The following GPR158 variants were observed in gnomAD, a reference collection of about 807,000 sequenced individuals.
The protein encoded by GPR158 is G protein-coupled receptor 158, also known as metabotropic glycine receptor.
GPR158 carries 30 observed loss-of-function variants against 78.2 expected under a neutral mutation model. The observed-to-expected ratio is 0.38, with a 90% confidence interval of 0.29 to 0.52. The LOEUF is 0.52. Ranked by LOEUF, GPR158 falls within the 20% of genes least tolerant of loss-of-function variation. The pLI, the probability that GPR158 is intolerant of heterozygous loss-of-function variation, is 0.83. For synonymous variants in GPR158, 581 were observed against 591.1 expected (o/e 0.98, Z 0.25); for missense variants, 1,463 against 1,523.5 (o/e 0.96, Z 0.66).
chr10:25,278,960 T>C (rs937365705), intron 2 of GPR158, among the ~76,000 whole-genome samples: 1 of 151,914 alleles, frequency 6.6e-6, no homozygotes, highest in African/African-American at 2.4e-5. Flanking sequence ...TCAAAAGATG[T>C]GCAAAGAAAA....
intron 2 of GPR158, among the ~76,000 whole-genome samples, chr10:25,342,588 A>G (rs1855316687): frequency 6.6e-6 from 1 of 152,076 alleles, no homozygotes; most frequent in East Asian, 1.9e-4. Flanking sequence ...CCCTGAGAGA[A>G]TCACTTAAAA....
intron 5 of GPR158, among the ~76,000 whole-genome samples, chr10:25,533,315 G>A (rs565151598): frequency 1.3e-5 from 2 of 152,218 alleles, no homozygotes; most frequent in South Asian, 4.1e-4. Flanking sequence ...AAAACCACCT[G>A]TTAACCTTAA....
chr10:25,315,106 C>T (rs1199662337), intron 2 of GPR158, among the ~76,000 whole-genome samples: 3 of 151,662 alleles, frequency 2.0e-5, no homozygotes, highest in Non-Finnish European at 4.4e-5. Context: ...AGTTATATAG[C>T]TCATGAGGAT....
intron 2 of GPR158, among the ~76,000 whole-genome samples, chr10:25,262,333 T>C (rs1853978190): frequency 6.6e-6 from 1 of 152,160 alleles, no homozygotes; most frequent in South Asian, 2.1e-4. Context: ...ATAATTATCA[T>C]TATTTTCCTC....
chr10:25,175,758 C>G lies in GPR158; in HGVS notation c.338C>G (p.Pro113Arg). ...YELAGLPGKW[P>R]ALASAHPSLH... is the part of the protein sequence containing the mutation. ...TTGGCGGGCCTGCCGGGGAAGTGGCCAGCCCTGGCCAGCGCGCACCCCTCC... is the reference window on the plus strand; with the variant it reads ...TTGGCGGGCCTGCCGGGGAAGTGGCGAGCCCTGGCCAGCGCGCACCCCTCC... The change falls in exon 1 of 11, where the codon CCA becomes CGA. Residue 113 changes from proline to arginine, a missense_variant. Physicochemically the swap from Pro to Arg is moderately radical, Grantham distance 103. Transcript: ENST00000376351. The surrounding 1 kb of genome is among the most constrained non-coding windows in gnomAD (Gnocchi z 6.4). 1 of 1,611,202 alleles carries G rather than the reference C, an allele frequency of 6.2e-7. No individual in the cohort carries two copies. The highest frequency in any genetic ancestry group is 1.1e-5 in the South Asian group (1 of 91,074).
intron 6 of GPR158, among the ~76,000 whole-genome samples, chr10:25,563,725 C>G (rs1836888392): frequency 6.6e-6 from 1 of 152,034 alleles, no homozygotes; most frequent in Non-Finnish European, 1.5e-5. Flanking sequence ...TTATGCTCCT[C>G]TTTTATGTTT....
At chr10:25,205,668 T>C (rs919073035) in intron 1 of GPR158, among the ~76,000 whole-genome samples, 1 of 152,160 alleles carries the variant, frequency 6.6e-6, no homozygotes, top group African/African-American at 2.4e-5. Context: ...TGCCCTAATG[T>C]CATTGTTTTA....
chr10:25,507,493 T>C (rs1042431712), intron 5 of GPR158, among the ~76,000 whole-genome samples: 7 of 152,338 alleles, frequency 4.6e-5, no homozygotes, highest in African/African-American at 1.7e-4. Context: ...ATTTTCATGT[T>C]GTGTTTGTAC....
At position 25,507,893 on chromosome 10, in the gene GPR158, A is replaced by G. The variant is rs568148726; in HGVS notation, c.1404+41174A>G. On this transcript the variant is annotated intron_variant, in intron 5 of 10. Transcript: ENST00000376351. Reference sequence around the variant, plus strand: ...AATGCTTACTAAGGAAGAACCTACAATACTAAAGTTATATTCCATAAAATG... The same window carrying G: ...AATGCTTACTAAGGAAGAACCTACAGTACTAAAGTTATATTCCATAAAATG... Among the ~76,000 whole-genome samples the G allele has an allele frequency of 6.6e-5, 10 of 152,354 alleles. No homozygotes were observed. In the South Asian group the frequency reaches 2.1e-3, roughly 32 times the overall value.
intron 5 of GPR158, among the ~76,000 whole-genome samples, chr10:25,501,301 A>G (rs1263186291): frequency 2.0e-5 from 3 of 152,130 alleles, no homozygotes. Flanking sequence ...CTCATCCTTC[A>G]AGTCTCAGCT....
intron 8 of GPR158, among the ~76,000 whole-genome samples, chr10:25,591,911 G>A (rs1294274164): frequency 6.6e-6 from 1 of 152,004 alleles, no homozygotes; most frequent in Non-Finnish European, 1.5e-5. Context: ...TGGGGGAATT[G>A]ATAGGGAGAA....
chr10:25,184,114 T>C (rs1852650482), intron 1 of GPR158, among the ~76,000 whole-genome samples: 1 of 152,222 alleles, frequency 6.6e-6, no homozygotes, highest in Non-Finnish European at 1.5e-5. Flanking sequence ...AGTTCTATTA[T>C]CATCTATAAA....
chr10:25,478,329 A>C (rs1835616551), intron 5 of GPR158, among the ~76,000 whole-genome samples: 3 of 152,170 alleles, frequency 2.0e-5, no homozygotes, highest in Non-Finnish European at 4.4e-5. Flanking sequence ...AGTGAAATAT[A>C]ATAATCTCTC....
chr10:25,476,447 C>A (rs1265388163), intron 5 of GPR158, among the ~76,000 whole-genome samples: 1 of 147,120 alleles, frequency 6.8e-6, no homozygotes, highest in African/African-American at 2.5e-5. Context: ...GATATGTCTT[C>A]CTGTAAAGGA....
chr10:25,384,579 A>C (rs1489206211), intron 2 of GPR158, among the ~76,000 whole-genome samples: 5 of 152,350 alleles, frequency 3.3e-5, no homozygotes, highest in African/African-American at 1.2e-4. Flanking sequence ...CCATTTCTAG[A>C]AGATTTGGAA....
At chr10:25,540,941 T>TAAAAAAAA (rs1186802503) in intron 5 of GPR158, among the ~76,000 whole-genome samples, 1 of 63,686 alleles carries the variant, frequency 1.6e-5, no homozygotes, top group African/African-American at 6.2e-5. Flanking sequence ...TAAAGTATAA[T>TAAAAAAAA]AAAAATATAT....
At chr10:25,451,882 C>G (rs967912612) in intron 4 of GPR158, among the ~76,000 whole-genome samples, 2 of 152,112 alleles carry the variant, frequency 1.3e-5, no homozygotes, top group Admixed American at 6.5e-5. Flanking sequence ...GAGGAGGTCT[C>G]TTTCATGGAG....
intron 3 of GPR158, among the ~76,000 whole-genome samples, chr10:25,402,084 A>C (rs908961309): frequency 6.6e-6 from 1 of 152,158 alleles, no homozygotes; most frequent in African/African-American, 2.4e-5. Flanking sequence ...TCAAAGTAGC[A>C]TCATCAATTA....
intron 6 of GPR158, among the ~76,000 whole-genome samples, chr10:25,566,462 G>C (rs1429956559): frequency 6.6e-6 from 1 of 152,048 alleles, no homozygotes; most frequent in Non-Finnish European, 1.5e-5. Context: ...AACCATCTAA[G>C]ATTCTACTTT....
Sources: gnomAD v4.1 joint callset for allele counts (sites outside exome capture counted in the v4.1 genomes callset) on GRCh38, gnomAD v4.1.1 for gene constraint, Gnocchi (gnomAD v3.1) non-coding constraint, MANE v1.5 for transcripts, NCBI Gene and HGNC (gene_info 2026-07-23, HGNC 2026-07-21) for gene names.